PHF24: variants seen among roughly 807,000 people sequenced by gnomAD.
The protein encoded by PHF24 is Galpha inhibitory interacting protein.
A neutral mutation model predicts 42.6 loss-of-function variants in PHF24; 25 were observed. The observed-to-expected ratio is 0.59, with a 90% CI of 0.43 to 0.82. PHF24 has a LOEUF of 0.82. PHF24 is among the 40% of genes least tolerant of loss of function. PHF24 has a pLI of 0.00. For missense variants in PHF24, 470 were observed against 538.1 expected, an observed-to-expected ratio of 0.87 and a Z score of 1.25; for synonymous variants, 185 against 204.8, an observed-to-expected ratio of 0.90 and a Z score of 0.83.
At chr9:34,831,513 C>A in the PHF24 span, among the ~76,000 whole-genome samples, 1 of 152,126 alleles carries the variant, frequency 6.6e-6, no homozygotes, top group Non-Finnish European at 1.5e-5. Flanking sequence ...CAACACCCTG[C>A]CCTTCATCAC....
At chr9:34,947,210 TC>T in the PHF24 span, among the ~76,000 whole-genome samples, 2 of 152,242 alleles carry the variant, frequency 1.3e-5, no homozygotes, top group Non-Finnish European at 2.9e-5. Flanking sequence ...CAAGTGACCT[TC>T]CTTTAGATTT....
the PHF24 span, among the ~76,000 whole-genome samples, chr9:34,748,291 T>C: frequency 5.3e-4 from 81 of 152,332 alleles, no homozygotes; most frequent in African/African-American, 1.8e-3. Flanking sequence ...TGGATCTGTG[T>C]TCCCACCCAA....
chr9:34,685,546 C>G, the PHF24 span, among the ~76,000 whole-genome samples: 1 of 152,146 alleles, frequency 6.6e-6, no homozygotes, highest in South Asian at 2.1e-4. Context: ...GCTTTTCTAC[C>G]CCAACTAGAC....
chr9:34,909,724 C>G, the PHF24 span, among the ~76,000 whole-genome samples: 2 of 151,924 alleles, frequency 1.3e-5, no homozygotes, highest in Admixed American at 1.3e-4. Context: ...CGGGCTCACG[C>G]CATTCTCCTG....
chr9:34,925,399 C>T, the PHF24 span, among the ~76,000 whole-genome samples: 1 of 152,126 alleles, frequency 6.6e-6, no homozygotes, highest in South Asian at 2.1e-4. Flanking sequence ...ATTTCTCTTC[C>T]AAGACATGGG....
the PHF24 span, among the ~76,000 whole-genome samples, chr9:34,950,162 AC>A: frequency 1.3e-5 from 2 of 151,990 alleles, no homozygotes; most frequent in Non-Finnish European, 2.9e-5. Context: ...CAGCTTGGTC[AC>A]ATGGTGAAAC....
At chr9:34,698,286 C>T in the PHF24 span, among the ~76,000 whole-genome samples, 3 of 152,072 alleles carry the variant, frequency 2.0e-5, no homozygotes, top group African/African-American at 7.2e-5. Context: ...TCCTCCTAGT[C>T]AGTGTTTTTC....
At chr9:34,770,156 C>G in the PHF24 span, among the ~76,000 whole-genome samples, 2 of 152,060 alleles carry the variant, frequency 1.3e-5, no homozygotes, top group African/African-American at 4.8e-5. Context: ...AGTTGCAAAC[C>G]TTATTAGACA....
At chr9:34,724,079 G>T in the PHF24 span, 29 of 1,526,636 alleles carry the variant, frequency 1.9e-5, no homozygotes, top group Middle Eastern at 1.7e-4. Flanking sequence ...GGCTGCTTTG[G>T]TTTCCTCTGG....
At chr9:34,727,921 T>TC in the PHF24 span, 2 of 1,112,734 alleles carry the variant, frequency 1.8e-6, no homozygotes. Context: ...TATGTCTCCC[T>TC]CCCAGCCATT....
chr9:34,765,807 A>C, the PHF24 span, among the ~76,000 whole-genome samples: 1 of 152,166 alleles, frequency 6.6e-6, no homozygotes, highest in South Asian at 2.1e-4. Flanking sequence ...GATGGTCTTT[A>C]CAATTTGGCA....
the PHF24 span, chr9:34,838,484 G>A: frequency 6.0e-6 from 8 of 1,339,018 alleles, no homozygotes; most frequent in African/African-American, 1.5e-5. Flanking sequence ...ACAAAAGTAG[G>A]GCTCAACATG....
chr9:34,780,059 A>T, the PHF24 span, among the ~76,000 whole-genome samples: 1 of 151,900 alleles, frequency 6.6e-6, no homozygotes, highest in African/African-American at 2.4e-5. Flanking sequence ...CCCCAAGACC[A>T]CTCAAGGACA....
the PHF24 span, among the ~76,000 whole-genome samples, chr9:34,739,705 A>C: frequency 6.6e-6 from 1 of 152,190 alleles, no homozygotes; most frequent in Non-Finnish European, 1.5e-5. Context: ...GTGCACCCAA[A>C]GAGTGAGCAC....
chr9:34,699,887 A>G, the PHF24 span, among the ~76,000 whole-genome samples: 4 of 152,248 alleles, frequency 2.6e-5, no homozygotes, highest in African/African-American at 9.6e-5. Context: ...ACTATCTCAG[A>G]TGGCAATAAG....
chr9:34,896,842 G>C, the PHF24 span, among the ~76,000 whole-genome samples: 2 of 152,056 alleles, frequency 1.3e-5, no homozygotes, highest in African/African-American at 4.8e-5. Context: ...TGATAAAAGT[G>C]GTTGGTCTTA....
the PHF24 span, among the ~76,000 whole-genome samples, chr9:34,826,426 C>T: frequency 1.3e-5 from 2 of 152,184 alleles, no homozygotes; most frequent in Non-Finnish European, 2.9e-5. Flanking sequence ...AGCATTCGGC[C>T]CTGGTTGTCT....
chr9:34,834,046 T>C, the PHF24 span: 14 of 1,549,168 alleles, frequency 9.0e-6, no homozygotes, highest in Non-Finnish European at 1.0e-5. Flanking sequence ...TGACAGTACC[T>C]GGTAAGGCCT....
the PHF24 span, among the ~76,000 whole-genome samples, chr9:34,829,719 T>C: frequency 1.3e-5 from 2 of 152,180 alleles, no homozygotes; most frequent in Non-Finnish European, 2.9e-5. Flanking sequence ...TTATGAGGCA[T>C]ATTTTAACCA....
Sources: gnomAD v4.1 joint callset for allele counts (sites outside exome capture counted in the v4.1 genomes callset) on GRCh38, gnomAD v4.1.1 for gene constraint, MANE v1.5 for transcripts, NCBI Gene and HGNC (gene_info 2026-07-23, HGNC 2026-07-21) for gene names.